Variants in CNTN5 observed in about 807,000 individuals in gnomAD.
The protein encoded by CNTN5 is contactin-5.
Under a neutral mutation model 129.1 loss-of-function variants are expected in CNTN5, and 77 were observed. The observed-to-expected ratio is 0.60, with a 90% CI of 0.50 to 0.72. CNTN5 has a LOEUF of 0.72. Ranked by LOEUF, CNTN5 falls within the 30% of genes least tolerant of loss-of-function variation. CNTN5 has a pLI of 0.00. For missense variants in CNTN5, 1,478 were observed against 1,328.8 expected (o/e 1.11, Z -1.75); for synonymous variants, 509 against 465.6 (o/e 1.09, Z -1.20).
intron 3 of CNTN5, among the ~76,000 whole-genome samples, chr11:99,564,635 A>T (rs765044766): frequency 6.6e-6 from 1 of 152,184 alleles, no homozygotes; most frequent in Non-Finnish European, 1.5e-5. Flanking sequence ...GGTAATCATA[A>T]TTACTGTAGC....
At position 99,879,887 on chromosome 11, in the gene CNTN5, A is replaced by T. The variant is rs78762802; in HGVS notation, c.577+34625A>T. Among the ~76,000 whole-genome samples, 1,014 of 152,308 alleles carry T rather than the reference A, an allele frequency of 6.7e-3. 12 individuals carry two copies. Among genetic ancestry groups the T allele is most frequent in the African/African-American group, 0.022 (903 of 41,564 alleles). The stretch of plus-strand genomic sequence containing the variant: ...AAGTCTATGTCCTTAACAACTCCAT[A>T]GTCCTCCTGCACACTCATTTTCAGG... On this transcript the variant is annotated intron_variant, in intron 6 of 24. Coordinates refer to ENST00000524871, the MANE Select transcript of CNTN5 (RefSeq NM_014361.4).
chr11:99,927,173 C>T (rs1393126337), intron 7 of CNTN5, among the ~76,000 whole-genome samples: 1 of 152,096 alleles, frequency 6.6e-6, no homozygotes, highest in Non-Finnish European at 1.5e-5. Flanking sequence ...TAAATGGAAG[C>T]AAAGAAAATC....
At chr11:99,589,927 T>C (rs1030443333) in intron 3 of CNTN5, among the ~76,000 whole-genome samples, 2 of 152,194 alleles carry the variant, frequency 1.3e-5, no homozygotes, top group African/African-American at 2.4e-5. Flanking sequence ...ATGTGTCATA[T>C]TGTATGCAGT....
At position 100,353,853 on chromosome 11, in the gene CNTN5, A is replaced by G. The variant is rs17094896; in HGVS notation, c.3200-2264A>G. Among the ~76,000 whole-genome samples, 3,218 of 151,484 alleles carry G rather than the reference A, an allele frequency of 0.021. 175 individuals are homozygous for G. The East Asian group carries it at 0.23, about 11-fold the overall frequency. ...GTGTTTACCAAACAAATTATTCTCT[A>G]GCTCTTAAGCATCAGGAAAATAAAT... On this transcript the variant is annotated intron_variant, in intron 24 of 24. Coordinates refer to ENST00000524871, the MANE Select transcript of CNTN5 (RefSeq NM_014361.4).
At chr11:99,227,594 T>C (rs903035489) in intron 1 of CNTN5, among the ~76,000 whole-genome samples, 1 of 152,190 alleles carries the variant, frequency 6.6e-6, no homozygotes, top group Admixed American at 6.5e-5. Context: ...ATATACTCTT[T>C]GTTTTAAAAA....
intron 3 of CNTN5, among the ~76,000 whole-genome samples, chr11:99,748,581 G>A (rs1233428013): frequency 6.6e-6 from 1 of 152,136 alleles, no homozygotes; most frequent in East Asian, 1.9e-4. Flanking sequence ...CTGAGAACCA[G>A]GGGACCCAAT....
intron 6 of CNTN5, among the ~76,000 whole-genome samples, chr11:99,887,031 T>A (rs938726137): frequency 1.3e-5 from 2 of 152,208 alleles, no homozygotes; most frequent in Non-Finnish European, 2.9e-5. Flanking sequence ...ATACTGTGGC[T>A]GGTTCATTGG....
At chr11:99,613,651 A>T (rs1950664156) in intron 3 of CNTN5, among the ~76,000 whole-genome samples, 2 of 150,982 alleles carry the variant, frequency 1.3e-5, no homozygotes, top group African/African-American at 4.9e-5. Flanking sequence ...TTATTTTGGC[A>T]TTAAATATAA....
chr11:99,092,957 G>T (rs1254265968), intron 1 of CNTN5, among the ~76,000 whole-genome samples: 1 of 151,788 alleles, frequency 6.6e-6, no homozygotes, highest in East Asian at 1.9e-4. Context: ...GCCAAAAATG[G>T]CAACTTTTAC....
intron 2 of CNTN5, among the ~76,000 whole-genome samples, chr11:99,496,343 G>A (rs1027909018): frequency 1.3e-5 from 2 of 152,040 alleles, no homozygotes; most frequent in African/African-American, 4.8e-5. Flanking sequence ...GCCAGATCTC[G>A]GCTCACTGCA....
intron 7 of CNTN5, among the ~76,000 whole-genome samples, chr11:99,922,244 T>C (rs927267258): frequency 6.6e-6 from 1 of 152,156 alleles, no homozygotes; most frequent in Admixed American, 6.5e-5. Flanking sequence ...GTGAGACTTA[T>C]TCACCATCAT....
chr11:99,860,269 T>C (rs528940542), intron 6 of CNTN5, among the ~76,000 whole-genome samples: 101 of 152,256 alleles, frequency 6.6e-4, no homozygotes, highest in Non-Finnish European at 1.0e-3. Context: ...TTTCTACTCT[T>C]TTGACAGTTT....
In CNTN5 at chr11:100,234,035, A is replaced by C. The variant is rs183603881; in HGVS notation, c.2005+9223A>C. Reference sequence around the variant, plus strand: ...GAAGATATTTATGCAGCCAACAAACATGAAAAAAAGCTCATCGTCACTGGT... The same window carrying C: ...GAAGATATTTATGCAGCCAACAAACCTGAAAAAAAGCTCATCGTCACTGGT... On this transcript the variant is annotated intron_variant, in intron 16 of 24. Transcript: ENST00000524871. 3.9e-5 allele frequency among the ~76,000 whole-genome samples: 6 copies of C among 152,344 alleles called. No individual in the cohort carries two copies. The East Asian group carries it at 9.6e-4, about 24-fold the overall frequency.
chr11:99,191,038 G>A (rs1442057403), intron 1 of CNTN5, among the ~76,000 whole-genome samples: 1 of 151,296 alleles, frequency 6.6e-6, no homozygotes, highest in Non-Finnish European at 1.5e-5. Context: ...ATGTTTAAGG[G>A]TGTTTATCAT....
rs11307877 is a variant in CNTN5, at chr11:99,570,132, TAA to T, written c.55+13877_55+13878del. 2.0e-3 allele frequency among the ~76,000 whole-genome samples: 272 copies of T among 138,980 alleles called. 1 individual carries two copies. The highest frequency in any genetic ancestry group is 6.1e-3 in the African/African-American group (234 of 38,340). The allele number at this position is 138,980 out of a possible 152,430, so 91.2% of individuals were successfully genotyped here. A position where few individuals can be genotyped will look rare whatever the true frequency, so the allele number is the denominator to read the frequency against. ...CTTCAAGAGGTTCTAAAGGTTACTT[TAA>T]AAAAAAAAAAAAAGAAGAAAAGAAA... On this transcript the variant is annotated intron_variant, in intron 3 of 24. Coordinates refer to ENST00000524871, the MANE Select transcript of CNTN5 (RefSeq NM_014361.4).
intron 1 of CNTN5, among the ~76,000 whole-genome samples, chr11:99,257,723 A>G (rs1426861300): frequency 6.6e-6 from 1 of 152,084 alleles, no homozygotes; most frequent in African/African-American, 2.4e-5. Context: ...ATGTCTTCAT[A>G]TTATAGTATA....
chr11:99,761,726 C>A (rs1162877518), intron 3 of CNTN5, among the ~76,000 whole-genome samples: 20 of 149,500 alleles, frequency 1.3e-4, no homozygotes, highest in Non-Finnish European at 2.8e-4. Context: ...AATAAACATA[C>A]GTGTGCATGT....
intron 13 of CNTN5, among the ~76,000 whole-genome samples, chr11:100,136,799 A>AT (rs1946540782): frequency 1.3e-5 from 2 of 151,686 alleles, no homozygotes; most frequent in African/African-American, 2.4e-5. Flanking sequence ...AAAAAAAAAA[A>AT]ATAAAGTAAC....
rs115794270 is a variant in CNTN5 at position 99,864,728 on chromosome 11, G to A, written c.577+19466G>A. On this transcript the variant is annotated intron_variant, in intron 6 of 24. Transcript: ENST00000524871. ...GTGTCATAGTGAAATTATTTGCCTC[G>A]GAGTTTTTGGGGATTTGATATTGCA... Among the ~76,000 whole-genome samples the A allele has an allele frequency of 6.8e-3, 1,041 of 152,170 alleles. 12 individuals are homozygous for A. The highest frequency in any genetic ancestry group is 0.022 in the African/African-American group (920 of 41,514).
Sources: allele counts gnomAD v4.1 joint callset (sites outside exome capture counted in the v4.1 genomes callset), GRCh38; gene constraint gnomAD v4.1.1; transcripts MANE v1.5; gene names NCBI Gene and HGNC (gene_info 2026-07-23, HGNC 2026-07-21).